The following KALRN variants were observed in gnomAD, a reference collection of about 807,000 sequenced individuals.
KALRN encodes kalirin.
Under a neutral mutation model 353.7 loss-of-function variants are expected in KALRN, and 70 were observed. That is an observed-to-expected ratio of 0.20 (90% CI 0.16 to 0.24). KALRN has a LOEUF of 0.24. Ranked by LOEUF, KALRN falls within the 10% of genes least tolerant of loss-of-function variation. KALRN has a pLI of 1.00. For missense variants in KALRN, 2,791 were observed against 3,756.7 expected, an observed-to-expected ratio of 0.74 and a Z score of 6.72; for synonymous variants, 1,391 against 1,434.8, an observed-to-expected ratio of 0.97 and a Z score of 0.69.
chr3:124,626,895 A>G (rs2149757076), intron 34 of KALRN, among the ~76,000 whole-genome samples: 1 of 152,354 alleles, frequency 6.6e-6, no homozygotes, highest in Middle Eastern at 3.4e-3. Context: ...AGTCACTATG[A>G]GCCTCAGTTT....
At chr3:124,267,208 G>T (rs1475178530) in intron 4 of KALRN, among the ~76,000 whole-genome samples, 4 of 152,248 alleles carry the variant, frequency 2.6e-5, no homozygotes, top group East Asian at 3.9e-4. Context: ...TATAATAATT[G>T]GTAAGTATAA....
intron 1 of KALRN, among the ~76,000 whole-genome samples, chr3:124,166,307 T>G (rs1010782819): frequency 6.6e-6 from 1 of 152,170 alleles, no homozygotes; most frequent in Non-Finnish European, 1.5e-5. Flanking sequence ...TTAACAAATA[T>G]TGAACAGATG....
intron 33 of KALRN, among the ~76,000 whole-genome samples, chr3:124,540,714 T>C (rs1161341626): frequency 6.6e-6 from 1 of 152,228 alleles, no homozygotes; most frequent in African/African-American, 2.4e-5. Context: ...TGACATTGTA[T>C]CTCTCTATCA....
At chr3:124,413,401 G>T in intron 13 of KALRN, 69 bp from the exon 14 acceptor site, 2 of 1,308,840 alleles carry the variant, frequency 1.5e-6, no homozygotes, top group Non-Finnish European at 2.1e-6. Context: ...GCTTGGAATT[G>T]TGAGCCTTAA....
At chr3:124,603,655 C>T (rs2077033569) in intron 34 of KALRN, among the ~76,000 whole-genome samples, 1 of 152,146 alleles carries the variant, frequency 6.6e-6, no homozygotes, top group Admixed American at 6.5e-5. Flanking sequence ...GAGCATCTCT[C>T]CCCACAACTC....
chr3:124,666,746 A>G, intron 46 of KALRN, 112 bp downstream of exon 46: 1 of 892,140 alleles, frequency 1.1e-6, no homozygotes. Context: ...AAGATCTTTC[A>G]GCCGAATAAC....
At chr3:124,257,689 A>T (rs1459547729) in intron 3 of KALRN, among the ~76,000 whole-genome samples, 1 of 152,166 alleles carries the variant, frequency 6.6e-6, no homozygotes, top group African/African-American at 2.4e-5. Context: ...CCCATGGCCC[A>T]GATGGGAAAC....
chr3:124,617,517 C>T (rs1160161167), intron 34 of KALRN, among the ~76,000 whole-genome samples: 1 of 152,190 alleles, frequency 6.6e-6, no homozygotes, highest in Non-Finnish European at 1.5e-5. Flanking sequence ...CCTTGGTAAG[C>T]TTCAGAAAAG....
chr3:124,493,452 C>T (rs1318640514), intron 32 of KALRN, among the ~76,000 whole-genome samples: 1 of 152,204 alleles, frequency 6.6e-6, no homozygotes, highest in African/African-American at 2.4e-5. Context: ...CCAGTTTCCT[C>T]TAAACCCATG....
intron 1 of KALRN, among the ~76,000 whole-genome samples, chr3:124,141,460 T>G (rs577189238): frequency 6.6e-6 from 1 of 152,262 alleles, no homozygotes; most frequent in African/African-American, 2.4e-5. Flanking sequence ...CCAAATGCCC[T>G]TACCTCTCTC....
At chr3:124,183,410 G>A (rs56661353) in intron 1 of KALRN, among the ~76,000 whole-genome samples, 16,449 of 152,022 alleles carry the variant, frequency 0.11, 1,173 homozygotes, top group Middle Eastern at 0.2. Flanking sequence ...AGGCTGGGGA[G>A]GTGCTACACT....
At chr3:124,419,238 T>C (rs1488919676) in intron 14 of KALRN, among the ~76,000 whole-genome samples, 1 of 151,334 alleles carries the variant, frequency 6.6e-6, no homozygotes, top group African/African-American at 2.4e-5. Context: ...ATTCAATAGT[T>C]CCATCAGCAA....
At position 124,450,142 on chromosome 3, in the gene KALRN, A is replaced by G. The variant is rs142625518; in HGVS notation, c.3552+3257A>G. Among the ~76,000 whole-genome samples the G allele has an allele frequency of 8.9e-4, 136 of 152,290 alleles. 1 individual carries two copies. The highest frequency in any genetic ancestry group is 3.3e-3 in the South Asian group (16 of 4,822). ...TGCTAAACTGTTTTTCAAAGTAGGT[A>G]TACCATTTTGTACTCTCACCAGCAG... On this transcript the variant is annotated intron_variant, in intron 21 of 59. Coordinates refer to ENST00000682506, the MANE Select transcript of KALRN (RefSeq NM_001388419.1).
chr3:124,157,542 A>T (rs1026165533), intron 1 of KALRN, among the ~76,000 whole-genome samples: 2 of 152,270 alleles, frequency 1.3e-5, no homozygotes, highest in Non-Finnish European at 2.9e-5. Context: ...ACTTTTCCAC[A>T]TCAAAAGTGT....
chr3:124,360,961 C>A (rs1307985319), intron 10 of KALRN, among the ~76,000 whole-genome samples: 3 of 152,188 alleles, frequency 2.0e-5, no homozygotes, highest in Non-Finnish European at 4.4e-5. Flanking sequence ...GGTTTTAAAC[C>A]TATGCTATAA....
At chr3:124,549,968 G>A (rs183583665) in intron 33 of KALRN, among the ~76,000 whole-genome samples, 105 of 152,254 alleles carry the variant, frequency 6.9e-4, no homozygotes, top group Non-Finnish European at 1.2e-3. Flanking sequence ...GTGTTATGAA[G>A]GGCTTTGAAT....
intron 34 of KALRN, among the ~76,000 whole-genome samples, chr3:124,582,784 G>T (rs190682537): frequency 1.2e-4 from 17 of 136,730 alleles, no homozygotes; most frequent in Admixed American, 1.5e-4. Context: ...GGTTGAGCTG[G>T]GGGGGATGGG....
chr3:124,260,641 A>AG (rs1294969859), intron 3 of KALRN, among the ~76,000 whole-genome samples: 1 of 151,874 alleles, frequency 6.6e-6, no homozygotes, highest in African/African-American at 2.4e-5. Flanking sequence ...TTGGCCTAGA[A>AG]GGGGAAGAGG....
intron 13 of KALRN, among the ~76,000 whole-genome samples, 184 bp downstream of exon 13, chr3:124,399,055 G>T (rs774503222): frequency 6.6e-5 from 10 of 152,116 alleles, no homozygotes; most frequent in Non-Finnish European, 1.5e-4. Context: ...CCCTACTGCC[G>T]AGCAGAGCCC....
Sources: allele counts gnomAD v4.1 joint callset (sites outside exome capture counted in the v4.1 genomes callset), GRCh38; gene constraint gnomAD v4.1.1; transcripts MANE v1.5; gene names NCBI Gene and HGNC (gene_info 2026-07-23, HGNC 2026-07-21).